Variants in MTUS2 observed in about 807,000 individuals in gnomAD.
MTUS2 encodes microtubule-associated tumor suppressor candidate 2.
Under a neutral mutation model 114.1 loss-of-function variants are expected in MTUS2, and 40 were observed. That is an observed-to-expected ratio of 0.35 (90% confidence interval 0.27 to 0.46). MTUS2 has a LOEUF of 0.46. Ranked by LOEUF, MTUS2 falls within the 20% of genes least tolerant of loss-of-function variation. The pLI is 1.00. For missense variants in MTUS2, 1,679 were observed against 1,705.4 expected, an observed-to-expected ratio of 0.98 and a Z score of 0.27; for synonymous variants, 688 against 672.0, an observed-to-expected ratio of 1.02 and a Z score of -0.37.
intron 5 of MTUS2, among the ~76,000 whole-genome samples, chr13:29,224,354 C>G (rs571679986): frequency 6.6e-6 from 1 of 152,146 alleles, no homozygotes; most frequent in Non-Finnish European, 1.5e-5. Flanking sequence ...ATTATCCCTT[C>G]AAATATTTCT....
At chr13:29,188,280 G>A (rs1329364347) in intron 5 of MTUS2, among the ~76,000 whole-genome samples, 1 of 152,098 alleles carries the variant, frequency 6.6e-6, no homozygotes. Flanking sequence ...CAAAAGAGTG[G>A]GAGATTATAA....
chr13:29,387,996 C>T (rs1427425497), intron 8 of MTUS2, among the ~76,000 whole-genome samples: 2 of 152,122 alleles, frequency 1.3e-5, no homozygotes, highest in Admixed American at 6.5e-5. Context: ...CATGTGTTTA[C>T]CAGAGCACAA....
intron 5 of MTUS2, among the ~76,000 whole-genome samples, chr13:29,197,377 A>G (rs1355678248): frequency 6.6e-6 from 1 of 152,130 alleles, no homozygotes; most frequent in Non-Finnish European, 1.5e-5. Flanking sequence ...AGCTTCATCC[A>G]TGTCCCTGCA....
At chr13:29,221,549 T>C (rs1313712440) in intron 5 of MTUS2, among the ~76,000 whole-genome samples, 2 of 152,158 alleles carry the variant, frequency 1.3e-5, no homozygotes, top group East Asian at 3.8e-4. Flanking sequence ...CACATTTCTA[T>C]TTGGGTTTTA....
intron 2 of MTUS2, among the ~76,000 whole-genome samples, chr13:28,951,358 C>G (rs1882799733): frequency 6.6e-6 from 1 of 152,140 alleles, no homozygotes; most frequent in African/African-American, 2.4e-5. Context: ...ATTTATTTGT[C>G]TTTTAAAATT....
intron 5 of MTUS2, among the ~76,000 whole-genome samples, chr13:29,157,057 T>C (rs1403935548): frequency 6.6e-6 from 1 of 152,358 alleles, no homozygotes; most frequent in South Asian, 2.1e-4. Context: ...CATGTTCATA[T>C]ACGCAGCTCT....
At chr13:29,200,344 C>G (rs1894890885) in intron 5 of MTUS2, among the ~76,000 whole-genome samples, 1 of 151,986 alleles carries the variant, frequency 6.6e-6, no homozygotes, top group Non-Finnish European at 1.5e-5. Context: ...ATAAATTTCG[C>G]TCTAAACACT....
At chr13:28,828,021 G>T (rs746532713) in intron 1 of MTUS2, among the ~76,000 whole-genome samples, 2 of 152,128 alleles carry the variant, frequency 1.3e-5, no homozygotes, top group Admixed American at 6.5e-5. Flanking sequence ...GAATTTCCTC[G>T]TCTTAATAAG....
intron 5 of MTUS2, among the ~76,000 whole-genome samples, chr13:29,160,896 A>G (rs1048195152): frequency 3.3e-5 from 5 of 152,216 alleles, no homozygotes; most frequent in South Asian, 2.1e-4. Flanking sequence ...TCATTGATTG[A>G]GTGCAAAAAG....
chr13:29,033,759 G>A (rs1171866228), intron 3 of MTUS2, 126 bp from the exon 4 acceptor site: 1 of 1,130,400 alleles, frequency 8.8e-7, no homozygotes, highest in African/African-American at 1.6e-5. Context: ...GAAGGTAGGG[G>A]ACTTGTGATC....
At chr13:29,423,658 A>G (rs1876285397) in intron 8 of MTUS2, among the ~76,000 whole-genome samples, 2 of 152,230 alleles carry the variant, frequency 1.3e-5, no homozygotes, top group Admixed American at 6.5e-5. Flanking sequence ...ACAAACAACA[A>G]TCTCAACAAC....
chr13:29,390,066 CATACAT>C, intron 8 of MTUS2, among the ~76,000 whole-genome samples: 1 of 130,816 alleles, frequency 7.6e-6, no homozygotes, highest in East Asian at 2.4e-4. Flanking sequence ...CATATATACA[CATACAT>C]ATACACATAC....
At chr13:29,215,824 G>A (rs893966208) in intron 5 of MTUS2, among the ~76,000 whole-genome samples, 2 of 152,182 alleles carry the variant, frequency 1.3e-5, no homozygotes, top group Non-Finnish European at 2.9e-5. Context: ...CCCCTGCTGG[G>A]AAGTGTCTCC....
chr13:28,909,668 G>C (rs969808529), intron 2 of MTUS2, among the ~76,000 whole-genome samples: 7 of 152,164 alleles, frequency 4.6e-5, no homozygotes, highest in Non-Finnish European at 8.8e-5. Context: ...AGTGTTGGAA[G>C]TTCTGGCCAG....
At chr13:29,237,743 A>C (rs1349090539) in intron 5 of MTUS2, among the ~76,000 whole-genome samples, 1 of 152,216 alleles carries the variant, frequency 6.6e-6, no homozygotes, top group Non-Finnish European at 1.5e-5. Flanking sequence ...GCTAAAATAT[A>C]GGCAAATGAC....
rs577137257 is a variant in MTUS2, at chr13:29,427,015, C to T, written c.3118-12968C>T. 9.9e-4 allele frequency among the ~76,000 whole-genome samples: 151 copies of T among 152,316 alleles called. 2 individuals are homozygous for T. Among genetic ancestry groups the T allele is most frequent in the East Asian group, 7.7e-4 (4 of 5,186 alleles). On this transcript the variant is annotated intron_variant, in intron 8 of 15. Coordinates refer to ENST00000612955, the MANE Select transcript of MTUS2 (RefSeq NM_001033602.4). Reference sequence around the variant, plus strand: ...AGCTCAAGGTACTGTGAGCTTCTTTCCCTCTGAGGTCTGCCCAAGCTCACT... The same window carrying T: ...AGCTCAAGGTACTGTGAGCTTCTTTTCCTCTGAGGTCTGCCCAAGCTCACT...
chr13:28,924,095 G>A (rs771971604), intron 2 of MTUS2, among the ~76,000 whole-genome samples: 1 of 152,122 alleles, frequency 6.6e-6, no homozygotes, highest in East Asian at 1.9e-4. Context: ...GGAGGAATGA[G>A]TCACTTCTCT....
chr13:29,324,860 C>T (rs1198961485), intron 7 of MTUS2, 149 bp downstream of exon 7: 1 of 636,904 alleles, frequency 1.6e-6, no homozygotes, highest in African/African-American at 1.8e-5. Flanking sequence ...TTTTCTGACT[C>T]TAGATGAAAT....
At chr13:29,376,902 T>C (rs1871796416) in intron 8 of MTUS2, among the ~76,000 whole-genome samples, 1 of 152,168 alleles carries the variant, frequency 6.6e-6, no homozygotes, top group Admixed American at 6.6e-5. Context: ...AATATAATGA[T>C]ATACGTAAGT....
Sources: allele counts gnomAD v4.1 joint callset (sites outside exome capture counted in the v4.1 genomes callset), GRCh38; gene constraint gnomAD v4.1.1; transcripts MANE v1.5; gene names NCBI Gene and HGNC (gene_info 2026-07-23, HGNC 2026-07-21).